The following JAM2 variants were observed in gnomAD, a reference collection of about 807,000 sequenced individuals.
JAM2 encodes junctional adhesion molecule 2.
In JAM2, 17 loss-of-function variants were observed where a neutral mutation model predicts 42.0. The observed-to-expected ratio is 0.40, with a 90% CI of 0.28 to 0.61. The LOEUF (loss-of-function observed/expected upper bound fraction) is 0.61, where lower values mean the gene tolerates loss of function less well. Among genes scored for constraint, JAM2 ranks in the 20% least tolerant of loss-of-function variants. The probability of loss-of-function intolerance (pLI) is 0.37; values close to 1 mark genes in which losing one functional copy is unlikely to be tolerated. For missense variants in JAM2, 319 were observed against 358.3 expected (o/e 0.89, Z 0.89); for synonymous variants, 118 against 128.6 (o/e 0.92, Z 0.56).
Position 25,715,038 on chromosome 21 carries a change from C to T in JAM2, c.*366C>T, listed in dbSNP as rs567793845. ...ATGAAAATATAAATCAGACTCTGCA[C>T]GAGAGTCTGATTTAGGGGGTCCAAC... On this transcript the variant is annotated 3_prime_UTR_variant, in exon 10 of 10. Coordinates refer to ENST00000480456, the MANE Select transcript of JAM2 (RefSeq NM_021219.4). The T allele has an allele frequency of 1.3e-4, 21 of 163,012 alleles. No individual in the cohort carries two copies. The highest frequency in any genetic ancestry group is 8.4e-4 in the East Asian group (5 of 5,922). The allele number at this position is 163,012 out of a possible 1,614,324, so 10.1% of individuals were successfully genotyped here. A position where few individuals can be genotyped will look rare whatever the true frequency, so the allele number is the denominator to read the frequency against.
intron 6 of JAM2, among the ~76,000 whole-genome samples, chr21:25,703,910 C>T (rs183936234): frequency 6.5e-4 from 99 of 152,246 alleles, no homozygotes; most frequent in Non-Finnish European, 1.2e-3. Flanking sequence ...TTATCTATTA[C>T]TCTTCTGTCT....
At chr21:25,707,988 G>A (rs1459001155) in intron 7 of JAM2, among the ~76,000 whole-genome samples, 3 of 151,832 alleles carry the variant, frequency 2.0e-5, no homozygotes, top group Admixed American at 1.3e-4. Flanking sequence ...TGGGACTACA[G>A]GCACATACCA....
chr21:25,712,061 C>A, intron 8 of JAM2: 1 of 328,332 alleles, frequency 3.0e-6, no homozygotes, highest in Non-Finnish European at 5.7e-6. Context: ...GTTAGTAAGT[C>A]TCTGGTTTGT....
At chr21:25,656,118 A>G (rs1004016940) in intron 1 of JAM2, among the ~76,000 whole-genome samples, 2 of 152,064 alleles carry the variant, frequency 1.3e-5, no homozygotes, top group African/African-American at 4.8e-5. Context: ...TATTCCCTAA[A>G]ATGTTAAAAT....
At position 25,698,700 on chromosome 21, in the gene JAM2, GA is replaced by G; in HGVS notation, c.420del (p.Val141TyrfsTer6). The stretch of plus-strand genomic sequence containing the variant: ...AGTGGCTCCAGCAGTTCCATCATGT[GA>G]AGTACCCTCTTCTGCTCTGAGTGGA... ...VLVAPAVPSCEVPSSALSGTV... is the reference protein window; with the variant it reads ...VLVAPAVPSCXVPSSALSGTV... On this transcript the variant is annotated frameshift_variant, in exon 5 of 10. Transcript: ENST00000480456. LOFTEE classifies it high-confidence loss of function. 6.2e-7 allele frequency: 1 copy of G among 1,614,038 alleles called. No homozygotes were observed. Among genetic ancestry groups the G allele is most frequent in the Non-Finnish European group, 8.5e-7 (1 of 1,179,934 alleles).
At position 25,717,387 on chromosome 21, in the gene JAM2, T is replaced by C. The variant is rs768376106; in HGVS notation, c.*2715T>C. The C allele has an allele frequency of 2.2e-5, 6 of 275,418 alleles. No individual in the cohort carries two copies. The highest frequency in any genetic ancestry group is 4.0e-5 in the Non-Finnish European group (6 of 149,484). The allele number at this position is 275,418 out of a possible 1,614,324, so 17.1% of individuals were successfully genotyped here. ...AAAGATTAGGGCTTTAAAATCTTAT[T>C]AGCAAGCTTTGTTTTGTTTTAATTA... is the stretch of plus-strand genomic sequence containing the variant. On this transcript the variant is annotated 3_prime_UTR_variant, in exon 10 of 10. Coordinates refer to ENST00000480456, the MANE Select transcript of JAM2 (RefSeq NM_021219.4).
intron 1 of JAM2, among the ~76,000 whole-genome samples, chr21:25,668,957 A>G (rs1440490172): frequency 6.6e-6 from 1 of 152,234 alleles, no homozygotes; most frequent in Non-Finnish European, 1.5e-5. Context: ...TATGTTTTAC[A>G]GAGGACGAGA....
intron 6 of JAM2, among the ~76,000 whole-genome samples, chr21:25,705,218 T>C (rs1328991093): frequency 2.0e-5 from 3 of 152,260 alleles, no homozygotes; most frequent in Non-Finnish European, 4.4e-5. Context: ...CACTTAGTTT[T>C]ACAGAATAAC....
At position 25,698,514 on chromosome 21, in the gene JAM2, T is replaced by C. The variant is rs536630098; in HGVS notation, c.395-163T>C. Among the ~76,000 whole-genome samples the C allele has an allele frequency of 2.0e-5, 3 of 152,354 alleles. No homozygotes were observed. The East Asian group carries it at 5.8e-4, about 29-fold the overall frequency. Reference sequence around the variant, plus strand: ...TGCCCATGAAGAAAGAAGATGGGTTTGTTGGACAAGTAAGCAGTCTCTATC... The same window carrying C: ...TGCCCATGAAGAAAGAAGATGGGTTCGTTGGACAAGTAAGCAGTCTCTATC... On this transcript the variant is annotated intron_variant, in intron 4 of 9. Transcript: ENST00000480456.
At chr21:25,677,097 T>A (rs918355017) in intron 1 of JAM2, among the ~76,000 whole-genome samples, 1 of 152,092 alleles carries the variant, frequency 6.6e-6, no homozygotes, top group Non-Finnish European at 1.5e-5. Context: ...AGGTACAATG[T>A]ATGTTTGGAT....
intron 4 of JAM2, among the ~76,000 whole-genome samples, chr21:25,698,077 G>C (rs893397982): frequency 6.6e-6 from 1 of 151,988 alleles, no homozygotes; most frequent in African/African-American, 2.4e-5. Context: ...AGTAGAGATC[G>C]TTTATCTAAT....
chr21:25,694,998 T>G (rs998218752), intron 4 of JAM2, among the ~76,000 whole-genome samples: 2 of 151,652 alleles, frequency 1.3e-5, no homozygotes, highest in Non-Finnish European at 2.9e-5. Context: ...TTTTTAGTAT[T>G]TATTGATCAT....
At chr21:25,653,154 G>A (rs1430275358) in intron 1 of JAM2, among the ~76,000 whole-genome samples, 5 of 152,308 alleles carry the variant, frequency 3.3e-5, no homozygotes, top group Non-Finnish European at 7.3e-5. Context: ...CTGGGATGGA[G>A]AATTGTGTTC....
chr21:25,701,076 T>C (rs932788016), intron 5 of JAM2, among the ~76,000 whole-genome samples: 2 of 152,222 alleles, frequency 1.3e-5, no homozygotes, highest in African/African-American at 2.4e-5. Context: ...ATGTGAGAAA[T>C]GAACAACAAA....
chr21:25,711,465 G>A (rs2034382407), intron 8 of JAM2: 1 of 453,870 alleles, frequency 2.2e-6, no homozygotes, highest in Admixed American at 2.4e-5. Context: ...ATATACTGAA[G>A]CCATGGCTTC....
chr21:25,669,092 G>A (rs2033293246), intron 1 of JAM2, among the ~76,000 whole-genome samples: 1 of 152,150 alleles, frequency 6.6e-6, no homozygotes, highest in African/African-American at 2.4e-5. Flanking sequence ...GGTAGGGGAG[G>A]CCAGGTGTGG....
chr21:25,714,721 T>C lies in JAM2; in HGVS notation c.*49T>C. 8.2e-7 allele frequency: 1 copy of C among 1,221,962 alleles called. No individual in the cohort carries two copies. Among genetic ancestry groups the C allele is most frequent in the South Asian group, 1.6e-5 (1 of 64,436 alleles). 75.7% of individuals were successfully genotyped at this position (1,221,962 alleles called of 1,614,324 possible). ...AAAGCCACCGTTGTTACACAAGTTA[T>C]TAAACTATTATAAAACTCTGCTTTG... is the stretch of plus-strand genomic sequence containing the variant. On this transcript the variant is annotated 3_prime_UTR_variant, in exon 10 of 10. Transcript: ENST00000480456.
chr21:25,713,555 T>C (rs1182513319), intron 9 of JAM2, among the ~76,000 whole-genome samples: 1 of 131,236 alleles, frequency 7.6e-6, no homozygotes, highest in Non-Finnish European at 1.6e-5. Flanking sequence ...CTCAGTAGAG[T>C]CTGGGGGGTG....
chr21:25,675,823 G>C (rs1020817537), intron 1 of JAM2, among the ~76,000 whole-genome samples: 2 of 152,006 alleles, frequency 1.3e-5, no homozygotes, highest in African/African-American at 4.8e-5. Flanking sequence ...CATGAGATTT[G>C]GGTGGGACAC....
Sources: allele counts gnomAD v4.1 joint callset (sites outside exome capture counted in the v4.1 genomes callset), GRCh38; gene constraint gnomAD v4.1.1; transcripts MANE v1.5; gene names NCBI Gene and HGNC (gene_info 2026-07-23, HGNC 2026-07-21).